KCNU1: variants seen among roughly 807,000 people sequenced by gnomAD.
The protein encoded by KCNU1 is potassium calcium-activated channel subfamily U member 1.
A neutral mutation model predicts 126.8 loss-of-function variants in KCNU1; 93 were observed. That is an observed-to-expected ratio of 0.73 (90% CI 0.62 to 0.87). The LOEUF is 0.87. Ranked by LOEUF, KCNU1 falls within the 40% of genes least tolerant of loss-of-function variation. The probability of loss-of-function intolerance (pLI) is 0.00; values close to 1 mark genes in which losing one functional copy is unlikely to be tolerated. For missense variants in KCNU1, 1,330 were observed against 1,367.1 expected, an observed-to-expected ratio of 0.97 and a Z score of 0.43; for synonymous variants, 523 against 494.2, an observed-to-expected ratio of 1.06 and a Z score of -0.77.
chr8:36,856,231 C>G (rs937378224), intron 18 of KCNU1, among the ~76,000 whole-genome samples: 1 of 152,070 alleles, frequency 6.6e-6, no homozygotes, highest in African/African-American at 2.4e-5. Context: ...AATATTGGCT[C>G]TTAATATTTT....
intron 19 of KCNU1, among the ~76,000 whole-genome samples, chr8:36,879,405 T>A (rs546813032): frequency 6.6e-6 from 1 of 152,004 alleles, no homozygotes; most frequent in Non-Finnish European, 1.5e-5. Context: ...GAGAAATGTA[T>A]GTCTGGTATG....
At position 36,921,072 on chromosome 8, in the gene KCNU1, T is replaced by G. The variant is rs531543055; in HGVS notation, c.2597-1418T>G. 9.1e-4 allele frequency among the ~76,000 whole-genome samples: 138 copies of G among 152,264 alleles called. 1 individual carries two copies. Among genetic ancestry groups the G allele is most frequent in the Admixed American group, 7.3e-3 (112 of 15,288 alleles). On this transcript the variant is annotated intron_variant, in intron 23 of 26. Coordinates refer to ENST00000399881, the MANE Select transcript of KCNU1 (RefSeq NM_001031836.3). ...GCTATCCTATTTGCAAACCAACAAG[T>G]GCACCTACCCCAGTCTCATGGATGC...
chr8:36,836,499 G>T, intron 13 of KCNU1, 134 bp downstream of exon 13: 1 of 641,366 alleles, frequency 1.6e-6, no homozygotes, highest in South Asian at 2.1e-5. Context: ...TTATTAAGAT[G>T]GATAATCACT....
At chr8:36,841,091 A>C in intron 16 of KCNU1, 88 bp downstream of exon 16, 1 of 906,110 alleles carries the variant, frequency 1.1e-6, no homozygotes, top group Non-Finnish European at 1.7e-6. Flanking sequence ...ATTTTTCCAA[A>C]GATGCAGCTA....
chr8:36,860,353 A>G (rs1008873635), intron 18 of KCNU1, among the ~76,000 whole-genome samples: 4 of 152,192 alleles, frequency 2.6e-5, no homozygotes, highest in African/African-American at 9.7e-5. Context: ...CTGGGATTAC[A>G]GGTGTGAGAC....
intron 23 of KCNU1, among the ~76,000 whole-genome samples, 191 bp downstream of exon 23, chr8:36,919,088 G>C (rs1290067132): frequency 3.3e-5 from 5 of 152,136 alleles, no homozygotes; most frequent in African/African-American, 1.2e-4. Flanking sequence ...CTGGTGTCAG[G>C]GTTCAGAAAT....
chr8:36,878,164 CAAT>C (rs1334944196), intron 19 of KCNU1, among the ~76,000 whole-genome samples: 10 of 152,034 alleles, frequency 6.6e-5, no homozygotes, highest in Admixed American at 3.3e-4. Context: ...GCTGATTTAG[CAAT>C]AAAAGTATTT....
At chr8:36,802,087 GA>G (rs1236489250) in intron 2 of KCNU1, among the ~76,000 whole-genome samples, 1 of 124,420 alleles carries the variant, frequency 8.0e-6, no homozygotes, top group African/African-American at 2.9e-5. Context: ...GCAGCCTGGG[GA>G]AAAGAGCGAA....
At chr8:36,907,973 A>G (rs1807697611) in intron 20 of KCNU1, among the ~76,000 whole-genome samples, 1 of 152,224 alleles carries the variant, frequency 6.6e-6, no homozygotes. Context: ...CAACAAAATT[A>G]ACTCTTTGGT....
chr8:36,902,036 G>A (rs1172248708), intron 19 of KCNU1, among the ~76,000 whole-genome samples: 2 of 152,106 alleles, frequency 1.3e-5, no homozygotes, highest in Non-Finnish European at 2.9e-5. Flanking sequence ...GTTTCTATGA[G>A]GATCATGACA....
chr8:36,900,706 AC>A (rs1807382642), intron 19 of KCNU1, among the ~76,000 whole-genome samples: 1 of 152,096 alleles, frequency 6.6e-6, no homozygotes, highest in Non-Finnish European at 1.5e-5. Flanking sequence ...CCTTTGATAT[AC>A]AAAAATCTCA....
At chr8:36,786,182 C>A (rs949545498) in intron 1 of KCNU1, among the ~76,000 whole-genome samples, 3 of 150,974 alleles carry the variant, frequency 2.0e-5, no homozygotes, top group Non-Finnish European at 2.9e-5. Flanking sequence ...TGGAGAGTTA[C>A]AATTTCTCTC....
At position 36,784,452 on chromosome 8, in the gene KCNU1, G is replaced by T. The variant is rs1400947239; in HGVS notation, c.42G>T (p.Leu14Phe). 6.2e-7 allele frequency: 1 copy of T among 1,613,506 alleles called. No individual in the cohort carries two copies. Among genetic ancestry groups the T allele is most frequent in the Admixed American group, 1.7e-5 (1 of 59,926 alleles). ...TACGAAATGAAACTTGGGAAGACTT[G>T]CCAAAAATGTCCTGCACAACTGAGA... ...TKLRNETWEDLPKMSCTTEIQ... is the reference protein window; with the variant it reads ...TKLRNETWEDFPKMSCTTEIQ... The change falls in exon 1 of 27, where the codon TTG (leucine) becomes TTT (phenylalanine). Residue 14 changes from leucine to phenylalanine, a missense_variant. Physicochemically the swap from Leu to Phe is conservative, Grantham distance 22. Coordinates refer to ENST00000399881, the MANE Select transcript of KCNU1 (RefSeq NM_001031836.3).
intron 12 of KCNU1, 144 bp downstream of exon 12, chr8:36,835,012 T>G: frequency 1.7e-6 from 1 of 603,394 alleles, no homozygotes; most frequent in Non-Finnish European, 2.9e-6. Context: ...GCCTACTTTT[T>G]GCCTGCTCCC....
chr8:36,844,925 T>C (rs1805089214), intron 16 of KCNU1, among the ~76,000 whole-genome samples: 1 of 152,178 alleles, frequency 6.6e-6, no homozygotes, highest in Non-Finnish European at 1.5e-5. Flanking sequence ...AGCAGAGTAC[T>C]GCATCAAAGA....
intron 9 of KCNU1, among the ~76,000 whole-genome samples, chr8:36,816,412 T>A (rs569830485): frequency 9.8e-5 from 15 of 152,336 alleles, no homozygotes; most frequent in Non-Finnish European, 2.1e-4. Context: ...CCCTGTCTGC[T>A]GTAATGAAAG....
chr8:36,798,854 G>A (rs1803200350), intron 2 of KCNU1, among the ~76,000 whole-genome samples: 1 of 151,996 alleles, frequency 6.6e-6, no homozygotes, highest in Non-Finnish European at 1.5e-5. Flanking sequence ...GACCACCTTG[G>A]GCACATGTTC....
Position 36,936,012 on chromosome 8 carries a change from C to A in KCNU1, c.*92C>A. On this transcript the variant is annotated 3_prime_UTR_variant, in exon 27 of 27. Coordinates refer to ENST00000399881, the MANE Select transcript of KCNU1 (RefSeq NM_001031836.3). ...TGAACAAAGAAAATAAGAATGGAAG[C>A]ATGCCATTTTTCTGCCCATTGCTTA... 8.0e-7 allele frequency: 1 copy of A among 1,246,870 alleles called. No homozygotes were observed. The highest frequency in any genetic ancestry group is 1.1e-6 in the Non-Finnish European group (1 of 905,186). 77.2% of individuals were successfully genotyped at this position (1,246,870 alleles called of 1,614,324 possible). A position where few individuals can be genotyped will look rare whatever the true frequency, so the allele number is the denominator to read the frequency against.
chr8:36,904,344 C>G (rs111414684), intron 19 of KCNU1, among the ~76,000 whole-genome samples: 2,576 of 152,240 alleles, frequency 0.017, 80 homozygotes, highest in African/African-American at 0.059. Context: ...CTTCTCATTG[C>G]CTGGCCTGTC....
Sources: allele counts gnomAD v4.1 joint callset (sites outside exome capture counted in the v4.1 genomes callset), GRCh38; gene constraint gnomAD v4.1.1; transcripts MANE v1.5; gene names NCBI Gene and HGNC (gene_info 2026-07-23, HGNC 2026-07-21).